MCTP2: variants seen among roughly 807,000 people sequenced by gnomAD.
The protein encoded by MCTP2 is multiple C2 and transmembrane domain containing 2, also known as multiple C2 and transmembrane domain-containing protein 2.
A neutral mutation model predicts 111.6 loss-of-function variants in MCTP2; 132 were observed. The ratio of observed to expected loss-of-function variants is 1.18; its 90% CI spans 1.03 to 1.37. The LOEUF is 1.37. Among genes scored for constraint, MCTP2 ranks in the 40% most tolerant of loss-of-function variants. The pLI, the probability that MCTP2 is intolerant of heterozygous loss-of-function variation, is 0.00. For missense variants in MCTP2, 1,183 were observed against 1,067.9 expected, an observed-to-expected ratio of 1.11 and a Z score of -1.50; for synonymous variants, 395 against 387.7, an observed-to-expected ratio of 1.02 and a Z score of -0.22.
chr15:94,414,708 A>C (rs933072206), intron 17 of MCTP2, among the ~76,000 whole-genome samples: 1 of 151,962 alleles, frequency 6.6e-6, no homozygotes, highest in Admixed American at 6.6e-5. Flanking sequence ...GTTGTTTATC[A>C]CTCATGGTAT....
chr15:94,236,336 AAAAT>A (rs2070540715), intron 1 of MCTP2, among the ~76,000 whole-genome samples: 1 of 151,274 alleles, frequency 6.6e-6, no homozygotes, highest in African/African-American at 2.4e-5. Context: ...TTCTGGTAAA[AAAAT>A]AAAAAGTTGC....
intron 17 of MCTP2, among the ~76,000 whole-genome samples, chr15:94,429,506 T>G (rs537360012): frequency 6.6e-6 from 1 of 152,222 alleles, no homozygotes; most frequent in South Asian, 2.1e-4. Flanking sequence ...AGCATCTTAC[T>G]TATAAATATA....
intron 1 of MCTP2, among the ~76,000 whole-genome samples, chr15:94,259,027 A>G (rs2073021343): frequency 6.6e-6 from 1 of 152,196 alleles, no homozygotes; most frequent in South Asian, 2.1e-4. Context: ...TTAAAAGAAC[A>G]CATTAAGTCA....
chr15:94,390,070 A>ACG (rs1453962999), intron 14 of MCTP2, among the ~76,000 whole-genome samples: 138 of 11,980 alleles, frequency 0.012, 2 homozygotes, highest in Admixed American at 0.019. Context: ...ATATATATAT[A>ACG]TATATATATA....
intron 16 of MCTP2, among the ~76,000 whole-genome samples, chr15:94,400,719 A>G (rs2081539665): frequency 6.6e-6 from 1 of 151,928 alleles, no homozygotes; most frequent in Non-Finnish European, 1.5e-5. Context: ...ATTGTATAAC[A>G]AAGAACAAAG....
intron 1 of MCTP2, among the ~76,000 whole-genome samples, chr15:94,260,528 G>A (rs916318338): frequency 3.9e-5 from 6 of 152,136 alleles, no homozygotes; most frequent in African/African-American, 1.4e-4. Context: ...CCATATTAAG[G>A]ACTTTGAACT....
intron 1 of MCTP2, among the ~76,000 whole-genome samples, chr15:94,264,374 C>T (rs770237448): frequency 4.6e-5 from 7 of 152,026 alleles, no homozygotes; most frequent in East Asian, 1.9e-4. Flanking sequence ...TTTGGGAGGC[C>T]GAGGCGGGTG....
intron 1 of MCTP2, among the ~76,000 whole-genome samples, chr15:94,246,577 A>G (rs554001920): frequency 6.6e-6 from 1 of 152,250 alleles, no homozygotes; most frequent in East Asian, 1.9e-4. Flanking sequence ...AGAACCTAAT[A>G]ATTGCTTCAT....
At position 94,369,485 on chromosome 15, in the gene MCTP2, G is replaced by A. The variant is rs147154303; in HGVS notation, c.1489-602G>A. ...TGCTATATGTGCTTAAGAATGAGCA[G>A]TAGATACATTCAGACTTTGGCTGGT... On this transcript the variant is annotated intron_variant, in intron 11 of 22. Coordinates refer to ENST00000357742, the MANE Select transcript of MCTP2 (RefSeq NM_001385001.1). Among the ~76,000 whole-genome samples, 6 of 152,322 alleles carry A rather than the reference G, an allele frequency of 3.9e-5. No homozygotes were observed. The East Asian group carries it at 1.2e-3, about 29-fold the overall frequency.
chr15:94,337,121 A>T (rs1483234388), intron 4 of MCTP2, among the ~76,000 whole-genome samples: 1 of 152,144 alleles, frequency 6.6e-6, no homozygotes, highest in Non-Finnish European at 1.5e-5. Context: ...ACAGTGAGGC[A>T]CTTAGGCTCA....
chr15:94,398,927 C>A, intron 14 of MCTP2, 34 bp from the exon 15 acceptor site: 1 of 1,296,922 alleles, frequency 7.7e-7, no homozygotes, highest in South Asian at 1.2e-5. Flanking sequence ...AGTAATTTTG[C>A]ACCAATGTGT....
At chr15:94,433,847 A>T (rs750288060) in intron 17 of MCTP2, among the ~76,000 whole-genome samples, 5 of 152,180 alleles carry the variant, frequency 3.3e-5, no homozygotes, top group African/African-American at 4.8e-5. Flanking sequence ...TTCCTAATGC[A>T]TAATCATGTT....
At chr15:94,379,077 T>G (rs1057419402) in intron 12 of MCTP2, among the ~76,000 whole-genome samples, 5 of 152,004 alleles carry the variant, frequency 3.3e-5, no homozygotes, top group Non-Finnish European at 7.4e-5. Context: ...TTTGTTTTTT[T>G]TTTTAATGTT....
intron 1 of MCTP2, among the ~76,000 whole-genome samples, chr15:94,261,188 T>G (rs910472681): frequency 1.3e-5 from 2 of 152,240 alleles, no homozygotes; most frequent in Non-Finnish European, 2.9e-5. Context: ...TTGATTGATG[T>G]GTCTCATGTC....
intron 1 of MCTP2, among the ~76,000 whole-genome samples, chr15:94,239,309 A>G (rs138168452): frequency 1.0e-3 from 157 of 152,322 alleles, no homozygotes; most frequent in South Asian, 2.9e-3. Context: ...TCTGGAAATG[A>G]CCTTTGGGAT....
At chr15:94,474,231 C>T (rs150655690) in intron 21 of MCTP2, among the ~76,000 whole-genome samples, 1 of 152,270 alleles carries the variant, frequency 6.6e-6, no homozygotes, top group East Asian at 1.9e-4. Flanking sequence ...GTGTCTGCAT[C>T]ATCATAGTTG....
chr15:94,389,502 C>G (rs1169301441), intron 14 of MCTP2, among the ~76,000 whole-genome samples: 2 of 152,084 alleles, frequency 1.3e-5, no homozygotes, highest in African/African-American at 2.4e-5. Context: ...GAAGACTCTT[C>G]CCAGAAGACT....
At chr15:94,402,119 T>C in intron 17 of MCTP2, 100 bp downstream of exon 17, 4 of 1,450,940 alleles carry the variant, frequency 2.8e-6, no homozygotes, top group Non-Finnish European at 3.7e-6. Context: ...GGGGGTTGTC[T>C]TTCTAAGACA....
intron 8 of MCTP2, among the ~76,000 whole-genome samples, chr15:94,353,615 T>C (rs528099712): frequency 6.6e-6 from 1 of 152,212 alleles, no homozygotes; most frequent in African/African-American, 2.4e-5. Context: ...CTCCCTTTTT[T>C]ATAAAAAGGA....
Sources: gnomAD v4.1 joint callset for allele counts (sites outside exome capture counted in the v4.1 genomes callset) on GRCh38, gnomAD v4.1.1 for gene constraint, MANE v1.5 for transcripts, NCBI Gene and HGNC (gene_info 2026-07-23, HGNC 2026-07-21) for gene names.